The following AP4E1 variants were observed in gnomAD, a reference collection of about 807,000 sequenced individuals.
The protein encoded by AP4E1 is AP-4 complex subunit epsilon-1.
AP4E1 carries 56 observed loss-of-function variants against 128.2 expected under a neutral mutation model. The observed-to-expected ratio is 0.44, with a 90% CI of 0.35 to 0.55. AP4E1 has a LOEUF of 0.55. Among genes scored for constraint, AP4E1 ranks in the 20% least tolerant of loss-of-function variants. The probability of loss-of-function intolerance (pLI) is 0.00; values close to 1 mark genes in which losing one functional copy is unlikely to be tolerated. For missense variants in AP4E1, 1,324 were observed against 1,307.7 expected, an observed-to-expected ratio of 1.01 and a Z score of -0.19; for synonymous variants, 484 against 473.1, an observed-to-expected ratio of 1.02 and a Z score of -0.30.
At chr15:50,930,729 T>C (rs780341340) in intron 6 of AP4E1, 76 bp from the exon 7 acceptor site, 2 of 1,404,254 alleles carry the variant, frequency 1.4e-6, no homozygotes, top group African/African-American at 1.4e-5. Context: ...AGTCAGGTTC[T>C]ATATGACATT....
chr15:50,935,296 A>G (rs2063892871), intron 8 of AP4E1, among the ~76,000 whole-genome samples: 1 of 152,096 alleles, frequency 6.6e-6, no homozygotes, highest in African/African-American at 2.4e-5. Context: ...TTAAGAAGAC[A>G]TCTGAAGGAT....
rs2064827667 is a variant in AP4E1 at position 50,993,376 on chromosome 15, T to C, written c.2097T>C (p.Asn699=). The change falls in exon 17 of 21, where the codon AAT becomes AAC. Residue 699 remains asparagine, a synonymous_variant. Coordinates refer to ENST00000261842, the MANE Select transcript of AP4E1 (RefSeq NM_007347.5). ...TTATTATCAACCTCCTTAGGACAAA[T>C]AGCTTGAAGCTGGAAGGTATAAAGA... ...NSAETGLKET[N]SLKLEGIKKL... The C allele has an allele frequency of 6.2e-7, 1 of 1,613,848 alleles. No homozygotes were observed. Among genetic ancestry groups the C allele is most frequent in the Middle Eastern group, 1.7e-4 (1 of 6,060 alleles).
chr15:50,927,850 G>C (rs1337764126), intron 5 of AP4E1, among the ~76,000 whole-genome samples: 1 of 152,128 alleles, frequency 6.6e-6, no homozygotes, highest in Non-Finnish European at 1.5e-5. Context: ...AGAAATATCT[G>C]TTAAGGAACC....
intron 15 of AP4E1, 56 bp from the exon 16 acceptor site, chr15:50,983,966 G>T (rs2064679107): frequency 1.3e-6 from 2 of 1,574,806 alleles, no homozygotes; most frequent in South Asian, 1.1e-5. Flanking sequence ...TGGTAACTTT[G>T]ACAGTTTTTT....
At chr15:50,951,410 C>T (rs528685231) in intron 13 of AP4E1, among the ~76,000 whole-genome samples, 42 of 152,100 alleles carry the variant, frequency 2.8e-4, no homozygotes, top group Non-Finnish European at 4.9e-4. Flanking sequence ...TCATCAAAGC[C>T]AGTAGTGGAG....
intron 15 of AP4E1, among the ~76,000 whole-genome samples, chr15:50,981,059 G>A (rs971869297): frequency 1.3e-5 from 2 of 152,180 alleles, no homozygotes; most frequent in South Asian, 2.1e-4. Flanking sequence ...GTCCCCACCA[G>A]GGCAGTGCCT....
Position 50,961,017 on chromosome 15 carries a change from A to G in AP4E1, c.1851+2223A>G, listed in dbSNP as rs560896905. Among the ~76,000 whole-genome samples the G allele has an allele frequency of 3.4e-4, 51 of 152,198 alleles. 1 individual carries two copies. The South Asian group carries it at 8.9e-3, about 27-fold the overall frequency. On this transcript the variant is annotated intron_variant, in intron 14 of 20. Transcript: ENST00000261842. ...AACAACTGTACACTAACAAACTGGAAAACCTGATGGAAACGAATAAATTCC... is the reference window on the plus strand; with the variant it reads ...AACAACTGTACACTAACAAACTGGAGAACCTGATGGAAACGAATAAATTCC...
chr15:50,998,380 CCAGCA>C (rs1399971605), intron 18 of AP4E1, among the ~76,000 whole-genome samples: 1 of 151,648 alleles, frequency 6.6e-6, no homozygotes. Context: ...GCCTGTAATC[CCAGCA>C]CTTTGGGAGG....
chr15:50,997,987 C>T lies in AP4E1; in HGVS notation c.2904+104C>T, dbSNP rs75730813. On this transcript the variant is annotated intron_variant, in intron 18 of 20. Coordinates refer to ENST00000261842, the MANE Select transcript of AP4E1 (RefSeq NM_007347.5). ...TTCACTTTTGTCATAAACACTAAAA[C>T]GAAATTCTCAAATTATTTAGCAAAG... 0.019 allele frequency: 16,555 copies of T among 859,102 alleles called. 250 individuals are homozygous for T. The highest frequency in any genetic ancestry group is 0.087 in the Middle Eastern group (241 of 2,780). The allele number at this position is 859,102 out of a possible 1,614,324, so 53.2% of individuals were successfully genotyped here.
At chr15:50,937,798 T>G (rs1356511173) in intron 8 of AP4E1, among the ~76,000 whole-genome samples, 1 of 152,088 alleles carries the variant, frequency 6.6e-6, no homozygotes, top group African/African-American at 2.4e-5. Flanking sequence ...AGAGACAATG[T>G]CTCACCAGTC....
intron 10 of AP4E1, among the ~76,000 whole-genome samples, chr15:50,946,331 C>T (rs1368480919): frequency 6.6e-6 from 1 of 152,134 alleles, no homozygotes; most frequent in East Asian, 1.9e-4. Flanking sequence ...CCAAACGTCT[C>T]TTATGTTATC....
At chr15:50,962,132 T>C (rs1419301243) in intron 14 of AP4E1, among the ~76,000 whole-genome samples, 1 of 151,950 alleles carries the variant, frequency 6.6e-6, no homozygotes. Flanking sequence ...TACAAACAAA[T>C]GGAAATAAAT....
At chr15:50,944,964 A>G in intron 10 of AP4E1, 1 of 764,964 alleles carries the variant, frequency 1.3e-6, no homozygotes. Flanking sequence ...ACAGAAATGT[A>G]TCCATACAAT....
chr15:50,912,766 G>A (rs2063580781), intron 2 of AP4E1, among the ~76,000 whole-genome samples: 3 of 151,626 alleles, frequency 2.0e-5, no homozygotes, highest in South Asian at 4.2e-4. Flanking sequence ...GGATTCAACC[G>A]ATTCTCCTGC....
At chr15:50,975,871 G>A (rs964720550) in intron 15 of AP4E1, among the ~76,000 whole-genome samples, 4 of 152,066 alleles carry the variant, frequency 2.6e-5, no homozygotes, top group Non-Finnish European at 5.9e-5. Context: ...AGCAATTTGG[G>A]AGGCCATGGT....
At chr15:50,948,243 C>T (rs975492984) in intron 11 of AP4E1, 84 bp downstream of exon 11, 20 of 1,514,154 alleles carry the variant, frequency 1.3e-5, no homozygotes, top group African/African-American at 4.1e-5. Context: ...TGGTCACTTG[C>T]AAGTCGAGTT....
chr15:50,922,782 CTT>C (rs397936196), intron 3 of AP4E1, among the ~76,000 whole-genome samples: 3 of 144,384 alleles, frequency 2.1e-5, no homozygotes. Context: ...TTTTGGGTCT[CTT>C]TTTTTTTTTT....
In AP4E1 at chr15:50,950,150, T is replaced by A; in HGVS notation, c.1529T>A (p.Phe510Tyr). The A allele has an allele frequency of 6.2e-7, 1 of 1,611,756 alleles. No homozygotes were observed. Among genetic ancestry groups the A allele is most frequent in the Non-Finnish European group, 8.5e-7 (1 of 1,178,390 alleles). The change falls in exon 13 of 21, where the codon TTT becomes TAT. Residue 510 changes from phenylalanine (F) to tyrosine (Y), a missense_variant. Coordinates refer to ENST00000261842, the MANE Select transcript of AP4E1 (RefSeq NM_007347.5). ...DMENVFYPQR[F>Y]LQVMSWVLGE... is the part of the protein sequence containing the mutation. Reference sequence around the variant, plus strand: ...GAAAATGTGTTCTATCCACAGAGATTTCTTCAAGTTATGAGTTGGGTGAGC... The same window carrying A: ...GAAAATGTGTTCTATCCACAGAGATATCTTCAAGTTATGAGTTGGGTGAGC...
intron 8 of AP4E1, among the ~76,000 whole-genome samples, chr15:50,936,903 G>A (rs1162460202): frequency 6.6e-6 from 1 of 151,898 alleles, no homozygotes; most frequent in Admixed American, 6.6e-5. Flanking sequence ...TCATGCCACT[G>A]CACTCTAGCC....
Sources: gnomAD v4.1 joint callset for allele counts (sites outside exome capture counted in the v4.1 genomes callset) on GRCh38, gnomAD v4.1.1 for gene constraint, MANE v1.5 for transcripts, NCBI Gene and HGNC (gene_info 2026-07-23, HGNC 2026-07-21) for gene names.